The following GDPD1 variants were observed in gnomAD, a reference collection of about 807,000 sequenced individuals.
GDPD1 encodes the protein lysophospholipase D GDPD1.
A neutral mutation model predicts 45.1 loss-of-function variants in GDPD1; 28 were observed. The observed-to-expected ratio is 0.62, with a 90% CI of 0.46 to 0.85. The LOEUF (loss-of-function observed/expected upper bound fraction) is 0.85, where lower values mean the gene tolerates loss of function less well. Ranked by LOEUF, GDPD1 falls within the 40% of genes least tolerant of loss-of-function variation. The pLI is 0.00. For synonymous variants in GDPD1, 139 were observed against 131.4 expected (o/e 1.06, Z -0.40); for missense variants, 256 against 364.8 (o/e 0.70, Z 2.43).
At chr17:59,251,519 CAA>C (rs112165058) in intron 4 of GDPD1, among the ~76,000 whole-genome samples, 3 of 127,042 alleles carry the variant, frequency 2.4e-5, no homozygotes, top group African/African-American at 2.8e-5. Context: ...GACTGTGTCT[CAA>C]AAAAAAAAAG....
At chr17:59,268,076 A>T (rs181905436) in intron 7 of GDPD1, among the ~76,000 whole-genome samples, 4 of 152,298 alleles carry the variant, frequency 2.6e-5, no homozygotes, top group African/African-American at 9.6e-5. Context: ...ATAGGTACAT[A>T]AAAACACTTA....
chr17:59,227,400 C>T (rs1028119505), intron 1 of GDPD1, among the ~76,000 whole-genome samples: 19 of 150,710 alleles, frequency 1.3e-4, no homozygotes, highest in African/African-American at 4.1e-4. Context: ...GCCTGAGCGA[C>T]GGAGCAAGAT....
Position 59,275,239 on chromosome 17 carries a change from C to T in GDPD1, c.*1466C>T, listed in dbSNP as rs1430128454. 6.6e-7 allele frequency: 1 copy of T among 1,506,658 alleles called. No individual in the cohort carries two copies. The allele number at this position is 1,506,658 out of a possible 1,614,324, so 93.3% of individuals were successfully genotyped here. On this transcript the variant is annotated 3_prime_UTR_variant, in exon 10 of 10. Coordinates refer to ENST00000284116, the MANE Select transcript of GDPD1 (RefSeq NM_182569.4). ...AGAGGAAAAATAAAACGGAAAAAAG[C>T]TTGGAAATCAGTGATGTGTAGTTAT...
At position 59,222,208 on chromosome 17, in the gene GDPD1, TTTTG is replaced by T. The variant is rs956230720; in HGVS notation, c.142+1469_142+1472del. On this transcript the variant is annotated intron_variant, in intron 1 of 9. Coordinates refer to ENST00000284116, the MANE Select transcript of GDPD1 (RefSeq NM_182569.4). ...TTTTTGTGTTTTTGTTTGTTTGTTT[TTTTG>T]TTTGTTTGTTTTGAGATGGAGTCTC... 7.9e-5 allele frequency among the ~76,000 whole-genome samples: 12 copies of T among 152,148 alleles called. 1 individual carries two copies. The South Asian group carries it at 2.3e-3, about 29-fold the overall frequency.
At chr17:59,265,662 C>A (rs1597991015) in intron 6 of GDPD1, among the ~76,000 whole-genome samples, 3 of 151,860 alleles carry the variant, frequency 2.0e-5, no homozygotes, top group African/African-American at 7.2e-5. Context: ...CTTTGAGAGG[C>A]TGAGGCAGGT....
rs148515304 is a variant in GDPD1 at position 59,238,539 on chromosome 17, G to C, written c.185+4005G>C. On this transcript the variant is annotated intron_variant, in intron 2 of 9. Transcript: ENST00000284116. ...AGCGATTCTCCTGCCTCAGCCTCCC[G>C]AGTAGCTGGGACTACAGGCGCATGC... Among the ~76,000 whole-genome samples the C allele has an allele frequency of 8.6e-4, 131 of 151,450 alleles. 1 individual carries two copies. Among genetic ancestry groups the C allele is most frequent in the African/African-American group, 3.0e-3 (126 of 41,328 alleles).
In GDPD1 at chr17:59,274,555, G is replaced by C. The variant is rs1029890602; in HGVS notation, c.*782G>C. 1 of 147,454 alleles carries C rather than the reference G, an allele frequency of 6.8e-6. No individual in the cohort carries two copies. The highest frequency in any genetic ancestry group is 2.5e-5 in the African/African-American group (1 of 39,790). The allele number at this position is 147,454 out of a possible 1,614,324, so 9.1% of individuals were successfully genotyped here. On this transcript the variant is annotated 3_prime_UTR_variant, in exon 10 of 10. Coordinates refer to ENST00000284116, the MANE Select transcript of GDPD1 (RefSeq NM_182569.4). Reference sequence around the variant, plus strand: ...AAAAAAATGGGAGGCCGAGGCGGGCGGATCACGAGGTCAGGAGATCGAGAC... The same window carrying C: ...AAAAAAATGGGAGGCCGAGGCGGGCCGATCACGAGGTCAGGAGATCGAGAC...
chr17:59,268,609 A>G (rs928750607), intron 7 of GDPD1, among the ~76,000 whole-genome samples: 2 of 150,014 alleles, frequency 1.3e-5, no homozygotes, highest in African/African-American at 5.0e-5. Context: ...AAAAGAAAAG[A>G]AAACACTTTT....
At chr17:59,224,679 G>A (rs898449345) in intron 1 of GDPD1, among the ~76,000 whole-genome samples, 1 of 151,708 alleles carries the variant, frequency 6.6e-6, no homozygotes, top group Non-Finnish European at 1.5e-5. Context: ...TTGTTGAGCC[G>A]GGTGTGATGG....
chr17:59,267,858 TG>T (rs2147905672), intron 7 of GDPD1, among the ~76,000 whole-genome samples: 1 of 152,030 alleles, frequency 6.6e-6, no homozygotes, highest in East Asian at 1.9e-4. Flanking sequence ...TTAGTAGAGA[TG>T]GGGCTTCACC....
intron 2 of GDPD1, among the ~76,000 whole-genome samples, chr17:59,238,044 GGATC>G (rs2047147067): frequency 6.6e-6 from 1 of 150,984 alleles, no homozygotes; most frequent in Non-Finnish European, 1.5e-5. Flanking sequence ...CGAGGCGGGT[GGATC>G]ACCTGAGGTC....
At chr17:59,270,484 C>T (rs1306121975) in intron 7 of GDPD1, among the ~76,000 whole-genome samples, 3 of 152,112 alleles carry the variant, frequency 2.0e-5, no homozygotes, top group Admixed American at 6.6e-5. Context: ...CAGACATGAG[C>T]CACCATGCCT....
chr17:59,266,360 C>G (rs2047399243), intron 6 of GDPD1, among the ~76,000 whole-genome samples: 1 of 149,594 alleles, frequency 6.7e-6, no homozygotes, highest in Non-Finnish European at 1.5e-5. Context: ...TGCACTCCAA[C>G]CTGGGTGACA....
At chr17:59,257,724 C>G in intron 5 of GDPD1, 27 bp from the exon 6 acceptor site, 1 of 1,466,676 alleles carries the variant, frequency 6.8e-7, no homozygotes, top group East Asian at 2.4e-5. Flanking sequence ...TAGGCACATG[C>G]ATAAAATTTT....
chr17:59,246,003 C>T (rs772797269), intron 3 of GDPD1, among the ~76,000 whole-genome samples: 1 of 151,668 alleles, frequency 6.6e-6, no homozygotes, highest in African/African-American at 2.4e-5. Flanking sequence ...CCCTGTAATC[C>T]CAGCTACTTG....
Position 59,262,229 on chromosome 17 carries a change from C to T in GDPD1, c.576+4389C>T, listed in dbSNP as rs1007704275. On this transcript the variant is annotated intron_variant, in intron 6 of 9. Transcript: ENST00000284116. ...AGGCATTTTTTTAAAAATAAAAATA[C>T]GTTACCAGGGAGATGCAGCCTTCCA... 5.9e-5 allele frequency among the ~76,000 whole-genome samples: 9 copies of T among 152,010 alleles called. No homozygotes were observed. In the East Asian group the frequency reaches 1.5e-3, roughly 26 times the overall value.
intron 6 of GDPD1, among the ~76,000 whole-genome samples, chr17:59,264,685 T>C (rs1013786160): frequency 1.3e-5 from 2 of 152,136 alleles, no homozygotes; most frequent in African/African-American, 4.8e-5. Flanking sequence ...TTGCAGTGAC[T>C]TGTATATTTT....
intron 6 of GDPD1, among the ~76,000 whole-genome samples, chr17:59,266,633 T>G (rs898437502): frequency 9.8e-5 from 15 of 152,292 alleles, no homozygotes; most frequent in African/African-American, 3.6e-4. Flanking sequence ...TGTATCTATA[T>G]ATACTCATAT....
At position 59,267,027 on chromosome 17, in the gene GDPD1, C is replaced by T. The variant is rs746757973; in HGVS notation, c.577-14C>T. Reference sequence around the variant, plus strand: ...GTTGTAAAAATAACATGTAATATTGCTTGTGTCTTTTAGAATTCAGATATT... The same window carrying T: ...GTTGTAAAAATAACATGTAATATTGTTTGTGTCTTTTAGAATTCAGATATT... On this transcript the variant is annotated splice_polypyrimidine_tract_variant and intron_variant, in intron 6 of 9. Transcript: ENST00000284116. 1.4e-5 allele frequency: 22 copies of T among 1,596,112 alleles called. No individual in the cohort carries two copies. The highest frequency in any genetic ancestry group is 1.8e-5 in the Non-Finnish European group (21 of 1,167,294).
Sources: allele counts gnomAD v4.1 joint callset (sites outside exome capture counted in the v4.1 genomes callset), GRCh38; gene constraint gnomAD v4.1.1; transcripts MANE v1.5; gene names NCBI Gene and HGNC (gene_info 2026-07-23, HGNC 2026-07-21).